RASSF3: variants seen among roughly 807,000 people sequenced by gnomAD.
RASSF3 encodes Ras association domain family member 3.
RASSF3 carries 19 observed loss-of-function variants against 19.9 expected under a neutral mutation model. The ratio of observed to expected loss-of-function variants is 0.96; its 90% CI spans 0.67 to 1.40. RASSF3 has a LOEUF of 1.40. Among genes scored for constraint, RASSF3 ranks in the 40% most tolerant of loss-of-function variants. RASSF3 has a pLI of 0.00. For missense variants in RASSF3, 306 were observed against 289.8 expected (o/e 1.06, Z -0.41); for synonymous variants, 110 against 104.2 (o/e 1.06, Z -0.34).
At chr12:64,612,641 C>A (rs58306163) in intron 1 of RASSF3, among the ~76,000 whole-genome samples, 10,460 of 151,828 alleles carry the variant, frequency 0.069, 1,026 homozygotes, top group African/African-American at 0.22. Flanking sequence ...ACATCTGGCT[C>A]ATTTTTGTAT....
chr12:64,688,223 A>G lies in RASSF3; in HGVS notation c.227A>G (p.Asn76Ser). ...CTTCTCTCCCTGCTTCAGAATTCAA[A>G]TGGGATTTACACTGGCTTCATTAAA... The part of the protein sequence containing the change: ...TDKLKMTLNS[N>S]GIYTGFIKVQ... The change falls in exon 3 of 5, where the codon AAT (asparagine) becomes AGT (serine). Residue 76 changes from asparagine to serine, a missense_variant. Coordinates refer to ENST00000542104, the MANE Select transcript of RASSF3 (RefSeq NM_178169.4). 3 of 1,612,862 alleles carry G rather than the reference A, an allele frequency of 1.9e-6. No homozygotes were observed. The highest frequency in any genetic ancestry group is 2.5e-6 in the Non-Finnish European group (3 of 1,178,816).
chr12:64,544,065 C>T (rs1869004850), downstream of RASSF3, among the ~76,000 whole-genome samples: 1 of 152,166 alleles, frequency 6.6e-6, no homozygotes, highest in Non-Finnish European at 1.5e-5. Flanking sequence ...CCAGAGCACG[C>T]CTTGGCACCT....
intron 1 of RASSF3, among the ~76,000 whole-genome samples, chr12:64,661,235 G>T (rs760033148): frequency 3.3e-5 from 5 of 152,168 alleles, no homozygotes; most frequent in Admixed American, 6.5e-5. Context: ...GGCTGGGCAT[G>T]GTGGCTGATG....
chr12:64,630,014 A>G (rs1290441691), intron 1 of RASSF3: 1 of 151,664 alleles, frequency 6.6e-6, no homozygotes, highest in Non-Finnish European at 1.5e-5. Flanking sequence ...AAAATGGTTT[A>G]TGTGAACTAA....
downstream of RASSF3, among the ~76,000 whole-genome samples, chr12:64,543,339 A>C (rs1261446595): frequency 6.8e-6 from 1 of 147,956 alleles, no homozygotes; most frequent in Non-Finnish European, 1.5e-5. Flanking sequence ...GCTGCGCTCG[A>C]TTTCTCGCCG....
At chr12:64,670,889 G>A (rs1872681453) in intron 1 of RASSF3, among the ~76,000 whole-genome samples, 2 of 152,158 alleles carry the variant, frequency 1.3e-5, no homozygotes, top group South Asian at 4.1e-4. Context: ...GATAGACCCG[G>A]GTAGGAACCT....
intron 1 of RASSF3, among the ~76,000 whole-genome samples, chr12:64,672,919 T>C (rs1215572575): frequency 6.6e-6 from 1 of 152,190 alleles, no homozygotes; most frequent in Non-Finnish European, 1.5e-5. Flanking sequence ...CCTCTGCCCT[T>C]GATGTTCAGA....
At chr12:64,654,657 TGGGG>T (rs199913401) in intron 1 of RASSF3, 1 of 18,004 alleles carries the variant, frequency 5.6e-5, no homozygotes, top group Non-Finnish European at 9.8e-5. Flanking sequence ...GGGGGGGGGG[TGGGG>T]GGAAGCCAGC....
chr12:64,632,463 C>T (rs1040163861), intron 1 of RASSF3, among the ~76,000 whole-genome samples: 1 of 152,006 alleles, frequency 6.6e-6, no homozygotes, highest in South Asian at 2.1e-4. Context: ...AAGGTGATTG[C>T]GGTAACCTGG....
At chr12:64,627,810 G>T (rs1449365785) in intron 1 of RASSF3, among the ~76,000 whole-genome samples, 13 of 152,168 alleles carry the variant, frequency 8.5e-5, no homozygotes, top group Admixed American at 8.5e-4. Context: ...TTATTAAATA[G>T]CAGAGATAAC....
chr12:64,668,714 C>T (rs560079115), intron 1 of RASSF3, among the ~76,000 whole-genome samples: 3 of 142,282 alleles, frequency 2.1e-5, no homozygotes, highest in South Asian at 4.6e-4. Flanking sequence ...CGGAGTCTCA[C>T]TCTGTCGCCC....
chr12:64,646,139 T>C (rs940680724), intron 1 of RASSF3, among the ~76,000 whole-genome samples: 1 of 152,208 alleles, frequency 6.6e-6, no homozygotes, highest in African/African-American at 2.4e-5. Flanking sequence ...TTGATGAACA[T>C]TTGGATTGTC....
chr12:64,534,990 G>A (rs930774475), intron 1 of RASSF3, among the ~76,000 whole-genome samples: 7 of 151,582 alleles, frequency 4.6e-5, no homozygotes, highest in Admixed American at 2.0e-4. Flanking sequence ...GACGTACACC[G>A]TCATTTTATG....
At chr12:64,574,494 T>C (rs1869566910) in intron 2 of RASSF3, among the ~76,000 whole-genome samples, 1 of 152,134 alleles carries the variant, frequency 6.6e-6, no homozygotes, top group Non-Finnish European at 1.5e-5. Flanking sequence ...TGCAATGCCC[T>C]CAATCATGGG....
chr12:64,539,855 A>C (rs769354415), intron 1 of RASSF3, among the ~76,000 whole-genome samples: 4 of 152,198 alleles, frequency 2.6e-5, no homozygotes, highest in Non-Finnish European at 5.9e-5. Context: ...TCCATCATAC[A>C]GATAGACCAA....
At chr12:64,550,764 T>C (rs1376931535) in intron 2 of RASSF3, among the ~76,000 whole-genome samples, 1 of 133,226 alleles carries the variant, frequency 7.5e-6, no homozygotes, top group Non-Finnish European at 1.5e-5. Flanking sequence ...GAGGTTGCAG[T>C]GAGCCAGGAT....
chr12:64,575,958 C>T (rs974170156), intron 2 of RASSF3, among the ~76,000 whole-genome samples: 3 of 150,140 alleles, frequency 2.0e-5, no homozygotes. Context: ...AGCGCGATCT[C>T]GGCTCACCAC....
At chr12:64,507,305 A>C in exon 1 of RASSF3, 1 of 398,630 alleles carries the variant, frequency 2.5e-6, no homozygotes, top group Non-Finnish European at 4.4e-6. Flanking sequence ...TCGGAAATCC[A>C]AGCTGCTCTG....
At chr12:64,535,708 A>G (rs1291509605) in intron 1 of RASSF3, among the ~76,000 whole-genome samples, 2 of 129,188 alleles carry the variant, frequency 1.5e-5, no homozygotes, top group Non-Finnish European at 3.2e-5. Context: ...TTTTTTTTAG[A>G]CGGAGTTTTG....
Sources: allele counts gnomAD v4.1 joint callset (sites outside exome capture counted in the v4.1 genomes callset), GRCh38; gene constraint gnomAD v4.1.1; transcripts MANE v1.5; gene names NCBI Gene and HGNC (gene_info 2026-07-23, HGNC 2026-07-21).